Variants in IGSF21 observed in about 807,000 individuals in gnomAD.
IGSF21 encodes immunoglobulin superfamily member 21.
Under a neutral mutation model 46.8 loss-of-function variants are expected in IGSF21, and 28 were observed. The observed-to-expected ratio is 0.60, with a 90% CI of 0.44 to 0.82. The LOEUF is 0.82. IGSF21 is among the 40% of genes least tolerant of loss of function. The pLI, the probability that IGSF21 is intolerant of heterozygous loss-of-function variation, is 0.00. For synonymous variants in IGSF21, 284 were observed against 273.6 expected (o/e 1.04, Z -0.38); for missense variants, 624 against 665.5 (o/e 0.94, Z 0.69).
chr1:18,149,755 C>T (rs1455334814), intron 1 of IGSF21, among the ~76,000 whole-genome samples: 2 of 152,132 alleles, frequency 1.3e-5, no homozygotes, highest in East Asian at 3.9e-4. Context: ...CATAATTTTT[C>T]GGCTTTGTGA....
chr1:18,259,535 C>T (rs901194348), intron 2 of IGSF21, among the ~76,000 whole-genome samples: 4 of 152,364 alleles, frequency 2.6e-5, no homozygotes, highest in East Asian at 3.9e-4. Context: ...CTACAAATGC[C>T]TTTCCTCCAT....
At chr1:18,254,888 A>C (rs76546996) in intron 2 of IGSF21, among the ~76,000 whole-genome samples, 2 of 139,474 alleles carry the variant, frequency 1.4e-5, no homozygotes, top group African/African-American at 2.8e-5. Flanking sequence ...CCATCCATCC[A>C]TCCCTCCATT....
intron 1 of IGSF21, among the ~76,000 whole-genome samples, chr1:18,133,408 G>T (rs980260616): frequency 3.3e-5 from 5 of 152,258 alleles, no homozygotes; most frequent in African/African-American, 4.8e-5. Flanking sequence ...CTACACAGCC[G>T]CTGTGTGGCC....
chr1:18,307,136 G>A (rs1417252614), intron 3 of IGSF21, among the ~76,000 whole-genome samples: 1 of 152,146 alleles, frequency 6.6e-6, no homozygotes, highest in East Asian at 1.9e-4. Flanking sequence ...CATTTGTTTG[G>A]CCATGTCTTG....
At chr1:18,364,184 C>A (rs990524896) in intron 5 of IGSF21, among the ~76,000 whole-genome samples, 1 of 152,054 alleles carries the variant, frequency 6.6e-6, no homozygotes, top group Non-Finnish European at 1.5e-5. Context: ...AAATCCCAGG[C>A]ATCTTATGTT....
intron 1 of IGSF21, among the ~76,000 whole-genome samples, chr1:18,183,808 G>A (rs572668074): frequency 5.3e-5 from 8 of 152,202 alleles, no homozygotes; most frequent in East Asian, 1.9e-4. Flanking sequence ...CGGGTGGTGC[G>A]GGGGGAAGCT....
intron 2 of IGSF21, among the ~76,000 whole-genome samples, chr1:18,287,999 G>A (rs115263712): frequency 3.9e-5 from 6 of 152,110 alleles, no homozygotes; most frequent in East Asian, 1.9e-4. Flanking sequence ...GTGAGTGCTC[G>A]TGAAAATACC....
In IGSF21 at chr1:18,378,414, T is replaced by C. The variant is rs558724807; in HGVS notation, c.*88T>C. On this transcript the variant is annotated 3_prime_UTR_variant, in exon 10 of 10. Coordinates refer to ENST00000251296, the MANE Select transcript of IGSF21 (RefSeq NM_032880.5). ...TCTAAACTATTTCCAGTCTTGTTCT[T>C]AGTCTCTTTCCATCTGTGTCTTGGC... is the stretch of plus-strand genomic sequence containing the variant. The C allele has an allele frequency of 1.8e-6, 2 of 1,128,006 alleles. No homozygotes were observed. Among genetic ancestry groups the C allele is most frequent in the East Asian group, 5.1e-5 (2 of 39,190 alleles). The allele number at this position is 1,128,006 out of a possible 1,614,324, so 69.9% of individuals were successfully genotyped here. A position where few individuals can be genotyped will look rare whatever the true frequency, so the allele number is the denominator to read the frequency against.
chr1:18,195,929 G>A (rs1241674581), intron 1 of IGSF21, among the ~76,000 whole-genome samples: 4 of 152,210 alleles, frequency 2.6e-5, no homozygotes, highest in East Asian at 3.9e-4. Context: ...AAGGCTTCCC[G>A]GAAGAGGCAG....
intron 2 of IGSF21, among the ~76,000 whole-genome samples, chr1:18,273,039 CTTTTTTTTT>C (rs760448516): frequency 2.5e-5 from 2 of 80,722 alleles, no homozygotes; most frequent in African/African-American, 5.4e-5. Flanking sequence ...CCAGACGGAT[CTTTTTTTTT>C]TTTTTTTTTT....
chr1:18,295,691 C>T (rs551178605), intron 3 of IGSF21, among the ~76,000 whole-genome samples: 1 of 152,308 alleles, frequency 6.6e-6, no homozygotes, highest in East Asian at 1.9e-4. Context: ...TCTTACCCCT[C>T]GCTCTTCCTG....
At chr1:18,369,588 C>T (rs375267216) in intron 6 of IGSF21, among the ~76,000 whole-genome samples, 9 of 152,172 alleles carry the variant, frequency 5.9e-5, no homozygotes, top group Admixed American at 6.5e-5. Context: ...GCCAAAGAGT[C>T]GTGAGTGTAT....
At position 18,369,648 on chromosome 1, in the gene IGSF21, G is replaced by A. The variant is rs140490816; in HGVS notation, c.1015+3951G>A. 9.1e-4 allele frequency among the ~76,000 whole-genome samples: 139 copies of A among 152,294 alleles called. 1 individual carries two copies. In the East Asian group the frequency reaches 0.02, roughly 21 times the overall value. ...TGCACTCTGGGTGAGACAGTGGGACGGATTAGATGACCTCAGAGCACAAAA... is the reference window on the plus strand; with the variant it reads ...TGCACTCTGGGTGAGACAGTGGGACAGATTAGATGACCTCAGAGCACAAAA... On this transcript the variant is annotated intron_variant, in intron 6 of 9. Transcript: ENST00000251296.
chr1:18,376,529 C>A, intron 7 of IGSF21, 134 bp downstream of exon 7: 2 of 777,386 alleles, frequency 2.6e-6, no homozygotes, highest in South Asian at 1.5e-5. Context: ...TTCAGTTTCC[C>A]AATGTGTAAT....
intron 2 of IGSF21, among the ~76,000 whole-genome samples, chr1:18,287,219 A>T (rs905381089): frequency 1.4e-5 from 2 of 145,936 alleles, no homozygotes; most frequent in African/African-American, 4.9e-5. Context: ...ATAAAAATAA[A>T]TAAAAATAAA....
chr1:18,248,410 G>A (rs530397584), intron 2 of IGSF21, among the ~76,000 whole-genome samples: 6 of 152,288 alleles, frequency 3.9e-5, no homozygotes, highest in South Asian at 2.1e-4. Context: ...ATTCTGTGGC[G>A]TGATTGATAG....
intron 1 of IGSF21, among the ~76,000 whole-genome samples, chr1:18,172,568 T>C (rs1329535571): frequency 6.6e-6 from 1 of 152,210 alleles, no homozygotes; most frequent in East Asian, 1.9e-4. Flanking sequence ...CCTTTCCTTG[T>C]TGCATGTGCA....
At chr1:18,115,224 G>C (rs1245827819) in intron 1 of IGSF21, 1 of 152,388 alleles carries the variant, frequency 6.6e-6, no homozygotes, top group African/African-American at 2.4e-5. Flanking sequence ...TCCCCATAAG[G>C]CTTTCTCCAA....
At chr1:18,201,347 T>A (rs2087072480) in intron 1 of IGSF21, among the ~76,000 whole-genome samples, 1 of 152,192 alleles carries the variant, frequency 6.6e-6, no homozygotes, top group Non-Finnish European at 1.5e-5. Context: ...CAGTGAAGAT[T>A]GTGGAACTGA....
Sources: gnomAD v4.1 joint callset for allele counts (sites outside exome capture counted in the v4.1 genomes callset) on GRCh38, gnomAD v4.1.1 for gene constraint, MANE v1.5 for transcripts, NCBI Gene and HGNC (gene_info 2026-07-23, HGNC 2026-07-21) for gene names.